TCP11: variants seen among roughly 807,000 people sequenced by gnomAD.
TCP11 encodes the protein T-complex protein 11 homolog.
In TCP11, 34 loss-of-function variants were observed where a neutral mutation model predicts 45.0. The ratio of observed to expected loss-of-function variants is 0.76; its 90% CI spans 0.57 to 1.01. The LOEUF (loss-of-function observed/expected upper bound fraction) is 1.01, where lower values mean the gene tolerates loss of function less well. Ranked by LOEUF, TCP11 falls within the 50% of genes least tolerant of loss-of-function variation. The probability of loss-of-function intolerance (pLI) is 0.00; values close to 1 mark genes in which losing one functional copy is unlikely to be tolerated. For missense variants in TCP11, 523 were observed against 598.1 expected (o/e 0.87, Z 1.31); for synonymous variants, 227 against 227.0 (o/e 1.00, Z 0.00).
intron 3 of TCP11, among the ~76,000 whole-genome samples, chr6:35,133,714 C>G (rs945147374): frequency 6.6e-6 from 1 of 151,920 alleles, no homozygotes; most frequent in African/African-American, 2.4e-5. Context: ...CGCTTGAACC[C>G]GGGAGGCTGA....
chr6:35,139,714 T>C (rs66579470), intron 2 of TCP11, among the ~76,000 whole-genome samples: 27,335 of 152,088 alleles, frequency 0.18, 3,059 homozygotes, highest in African/African-American at 0.29. Context: ...AAGACTTCTG[T>C]TGCTCAAAAG....
chr6:35,124,791 A>G (rs1779638771), intron 4 of TCP11, among the ~76,000 whole-genome samples: 1 of 152,166 alleles, frequency 6.6e-6, no homozygotes, highest in Non-Finnish European at 1.5e-5. Context: ...TTCACATGCA[A>G]AAGAACAAAG....
chr6:35,126,373 G>C (rs2395609), intron 4 of TCP11, among the ~76,000 whole-genome samples: 102,317 of 151,934 alleles, frequency 0.67, 34,623 homozygotes, highest in Middle Eastern at 0.84. Context: ...CCAGCATCCA[G>C]ATAATCACAG....
At position 35,119,400 on chromosome 6, in the gene TCP11, T is replaced by C. The variant is rs1424343014; in HGVS notation, c.1116-9A>G. On this transcript the variant is annotated splice_polypyrimidine_tract_variant and intron_variant, in intron 8 of 9. Coordinates refer to ENST00000311875, the MANE Select transcript of TCP11 (RefSeq NM_001370687.1). ...GTATAGCTTCCTCAGGCCTAGACCA[T>C]GAAAGAAAGTAAGCTGGCACCCACC... 1 of 1,612,742 alleles carries C rather than the reference T, an allele frequency of 6.2e-7. No homozygotes were observed. Among genetic ancestry groups the C allele is most frequent in the Non-Finnish European group, 8.5e-7 (1 of 1,179,326 alleles).
intron 3 of TCP11, among the ~76,000 whole-genome samples, chr6:35,134,689 TTTA>T (rs1204303088): frequency 6.6e-6 from 1 of 152,210 alleles, no homozygotes; most frequent in East Asian, 1.9e-4. Context: ...TTTTGTATTT[TTTA>T]TTATTGTGTT....
chr6:35,128,659 C>T (rs1031483553), intron 4 of TCP11: 1 of 156,518 alleles, frequency 6.4e-6, no homozygotes, highest in African/African-American at 2.4e-5. Context: ...GTACTTGGCT[C>T]CTGCAGCATG....
intron 3 of TCP11, among the ~76,000 whole-genome samples, chr6:35,129,993 G>A (rs1318998759): frequency 6.6e-6 from 1 of 151,690 alleles, no homozygotes; most frequent in African/African-American, 2.4e-5. Context: ...ATGTTGCTCG[G>A]GCTGGTCTTG....
At chr6:35,119,847 C>G (rs556868604) in intron 8 of TCP11, among the ~76,000 whole-genome samples, 1 of 152,106 alleles carries the variant, frequency 6.6e-6, no homozygotes. Context: ...CTGCACACAG[C>G]GGGATGTTCA....
In TCP11 at chr6:35,122,130, C is replaced by A; in HGVS notation, c.565G>T (p.Val189Phe). The change falls in exon 5 of 10, where the codon GTT becomes TTT. Residue 189 changes from valine to phenylalanine, a missense_variant. Physicochemically the swap from Val to Phe is conservative, Grantham distance 50. Around this residue, in one of 2 missense-constraint regions of TCP11, gnomAD observed 298 missense variants for 387.9 expected, o/e 0.77. Transcript: ENST00000311875. Reference protein sequence around the residue: ...VQKLENITDPVWLLRGIFQVL... With the variant: ...VQKLENITDPFWLLRGIFQVL... Reference sequence around the variant, plus strand: ...CAAGTTTCATACCTCAGTAGCCAAACAGGATCCGTAATGTTTTCTAGTTTC... The same window carrying A: ...CAAGTTTCATACCTCAGTAGCCAAAAAGGATCCGTAATGTTTTCTAGTTTC... The A allele has an allele frequency of 4.3e-6, 7 of 1,614,180 alleles. No individual in the cohort carries two copies. The highest frequency in any genetic ancestry group is 5.9e-6 in the Non-Finnish European group (7 of 1,180,028).
intron 3 of TCP11, among the ~76,000 whole-genome samples, chr6:35,130,470 A>G (rs1780285806): frequency 6.6e-6 from 1 of 152,208 alleles, no homozygotes; most frequent in African/African-American, 2.4e-5. Flanking sequence ...AAGGATATAT[A>G]TCCAAAACAT....
intron 3 of TCP11, among the ~76,000 whole-genome samples, chr6:35,134,461 AGTAGAGACAGGGTTTCACCAT>A (rs1430360140): frequency 6.6e-6 from 1 of 151,626 alleles, no homozygotes; most frequent in Non-Finnish European, 1.5e-5. Flanking sequence ...TTGTATTCTC[AGTAGAGACAGGGTTTCACCAT>A]GTTGGCCAGG....
In TCP11 at chr6:35,122,170, T is replaced by C. The variant is rs1446829521; in HGVS notation, c.525A>G (p.Arg175=). 1 of 1,614,034 alleles carries C rather than the reference T, an allele frequency of 6.2e-7. No individual in the cohort carries two copies. The highest frequency in any genetic ancestry group is 8.5e-7 in the Non-Finnish European group (1 of 1,180,034). Residue 175 remains arginine (R), a synonymous_variant, in exon 5 of 10, where the codon CGA becomes CGG. Coordinates refer to ENST00000311875, the MANE Select transcript of TCP11 (RefSeq NM_001370687.1). The part of the protein sequence containing the change: ...NMMALLCAPV[R]DEAVQKLENI... ...TTTCTAGTTTCTGCACTGCTTCATC[T>C]CGAACTGGTGCACACAGCAAAGCCA...
chr6:35,136,622 T>A (rs955550091), intron 2 of TCP11, among the ~76,000 whole-genome samples: 22 of 83,132 alleles, frequency 2.6e-4, no homozygotes, highest in Non-Finnish European at 4.6e-4. Flanking sequence ...AGCTAAACTC[T>A]CCCTACAGAT....
chr6:35,140,126 G>A lies in TCP11; in HGVS notation c.124+621C>T, dbSNP rs376149296. On this transcript the variant is annotated intron_variant, in intron 2 of 9. Coordinates refer to ENST00000311875, the MANE Select transcript of TCP11 (RefSeq NM_001370687.1). ...CAAGAAAAACCAATCTAATTCAGCC[G>A]CAAAGCCTCAATCTAATTTTTCGCA... 6.2e-4 allele frequency: 995 copies of A among 1,612,312 alleles called. 18 individuals carry two copies. The highest frequency in any genetic ancestry group is 4.3e-3 in the Middle Eastern group (26 of 6,046).
chr6:35,135,619 C>CT lies in TCP11; in HGVS notation c.236+487dup. Among the ~76,000 whole-genome samples, 3 of 57,646 alleles carry CT rather than the reference C, an allele frequency of 5.2e-5. No homozygotes were observed. In the East Asian group the frequency reaches 1.3e-3, roughly 25 times the overall value. The allele number at this position is 57,646 out of a possible 152,430, so 37.8% of individuals were successfully genotyped here. A position where few individuals can be genotyped will look rare whatever the true frequency, so the allele number is the denominator to read the frequency against. ...TGGGCAACACAGTGAGACCCCATCT[C>CT]TAAAAAAAAAAAAAAAAAAATCGAA... On this transcript the variant is annotated intron_variant, in intron 3 of 9. Coordinates refer to ENST00000311875, the MANE Select transcript of TCP11 (RefSeq NM_001370687.1).
chr6:35,124,883 T>A (rs11968399), intron 4 of TCP11, among the ~76,000 whole-genome samples: 2,252 of 150,960 alleles, frequency 0.015, 48 homozygotes, highest in African/African-American at 0.046. Context: ...TAATAAAAAA[T>A]ATATATATAT....
chr6:35,120,025 C>G lies in TCP11; in HGVS notation c.1115+134G>C. On this transcript the variant is annotated intron_variant, in intron 8 of 9. Transcript: ENST00000311875. This position sits in a 1 kb window ranked among gnomAD's most constrained non-coding sequence, Gnocchi z 4.9. ...CCTCATGACCACTTATGGAAAGAAA[C>G]CAACAATCTTTGTAGATGGTTCCAC... is the stretch of plus-strand genomic sequence containing the variant. 1 of 1,187,764 alleles carries G rather than the reference C, an allele frequency of 8.4e-7. No homozygotes were observed. Among genetic ancestry groups the G allele is most frequent in the Non-Finnish European group, 1.1e-6 (1 of 871,580 alleles). 73.6% of individuals were successfully genotyped at this position (1,187,764 alleles called of 1,614,324 possible). A position where few individuals can be genotyped will look rare whatever the true frequency, so the allele number is the denominator to read the frequency against.
Position 35,118,304 on chromosome 6 carries a change from C to T in TCP11, c.1477G>A (p.Ala493Thr), listed in dbSNP as rs750176539. Residue 493 changes from alanine (A) to threonine (T), a missense_variant, in exon 10 of 10, where the codon GCC becomes ACC. By Grantham distance (58) the Ala-to-Thr change is moderately conservative. Coordinates refer to ENST00000311875, the MANE Select transcript of TCP11 (RefSeq NM_001370687.1). ...TEILKTLISPAQALETKVESV is the reference protein window; with the variant it reads ...TEILKTLISPTQALETKVESV ...TCCACTTTTGTTTCCAGTGCCTGGGCTGGGGAAATGAGGGTTTTTAGGATC... is the reference window on the plus strand; with the variant it reads ...TCCACTTTTGTTTCCAGTGCCTGGGTTGGGGAAATGAGGGTTTTTAGGATC... 4 of 1,614,006 alleles carry T rather than the reference C, an allele frequency of 2.5e-6. No homozygotes were observed. The highest frequency in any genetic ancestry group is 2.2e-5 in the South Asian group (2 of 91,082).
At chr6:35,122,429 T>C (rs1779383101) in intron 4 of TCP11, 92 bp from the exon 5 acceptor site, 10 of 1,170,638 alleles carry the variant, frequency 8.5e-6, no homozygotes, top group Non-Finnish European at 1.2e-5. Flanking sequence ...CATACCAGCC[T>C]ATGTTTTTTA....
Sources: allele counts gnomAD v4.1 joint callset (sites outside exome capture counted in the v4.1 genomes callset), GRCh38; gene constraint gnomAD v4.1.1; regional missense constraint gnomAD v4.1.1; non-coding constraint Gnocchi (gnomAD v3.1); transcripts MANE v1.5; gene names NCBI Gene and HGNC (gene_info 2026-07-23, HGNC 2026-07-21).